The following SGCZ variants were observed in gnomAD, a reference collection of about 807,000 sequenced individuals.
The protein encoded by SGCZ is sarcoglycan zeta, also known as zeta-sarcoglycan.
In SGCZ, 40 loss-of-function variants were observed where a neutral mutation model predicts 41.3. That is an observed-to-expected ratio of 0.97 (90% CI 0.75 to 1.26). SGCZ has a LOEUF of 1.26. Ranked by LOEUF, SGCZ falls within the 50% of genes most tolerant of loss-of-function variation. The pLI, the probability that SGCZ is intolerant of heterozygous loss-of-function variation, is 0.00. For synonymous variants in SGCZ, 206 were observed against 137.5 expected (o/e 1.50, Z -3.49); for missense variants, 552 against 369.8 (o/e 1.49, Z -4.04).
intron 3 of SGCZ, among the ~76,000 whole-genome samples, chr8:14,280,204 G>C (rs1430761366): frequency 1.3e-5 from 2 of 151,858 alleles, no homozygotes; most frequent in Admixed American, 6.6e-5. Context: ...TAATAGGATT[G>C]TTCTATTTTG....
At chr8:14,286,020 A>G (rs1800611979) in intron 3 of SGCZ, among the ~76,000 whole-genome samples, 1 of 152,098 alleles carries the variant, frequency 6.6e-6, no homozygotes, top group African/African-American at 2.4e-5. Flanking sequence ...ATTATTACTA[A>G]TAGGAACTAT....
In SGCZ at chr8:14,769,142, G is replaced by C. The variant is rs565452083; in HGVS notation, c.40-214216C>G. On this transcript the variant is annotated intron_variant, in intron 1 of 7. Transcript: ENST00000382080. Reference sequence around the variant, plus strand: ...AATTCCTAATAAGGAATGAAGCATAGCAGAAAAACCTTTAGGGAGCGAGGG... The same window carrying C: ...AATTCCTAATAAGGAATGAAGCATACCAGAAAAACCTTTAGGGAGCGAGGG... Among the ~76,000 whole-genome samples the C allele has an allele frequency of 1.6e-3, 241 of 152,024 alleles. 2 individuals are homozygous for C. Among genetic ancestry groups the C allele is most frequent in the Non-Finnish European group, 3.0e-3 (201 of 67,976 alleles).
chr8:14,423,175 G>A (rs1044129174), intron 2 of SGCZ, among the ~76,000 whole-genome samples: 9 of 151,858 alleles, frequency 5.9e-5, no homozygotes, highest in African/African-American at 2.2e-4. Flanking sequence ...GGTGGGCGGA[G>A]GGGGGAGGGA....
chr8:14,336,260 TC>T (rs1802502057), intron 2 of SGCZ, among the ~76,000 whole-genome samples: 2 of 152,210 alleles, frequency 1.3e-5, no homozygotes, highest in Admixed American at 1.3e-4. Flanking sequence ...TCTTATTTTT[TC>T]TTGGCTACAT....
At chr8:15,036,341 A>C (rs1803874071) in intron 1 of SGCZ, among the ~76,000 whole-genome samples, 1 of 152,088 alleles carries the variant, frequency 6.6e-6, no homozygotes, top group African/African-American at 2.4e-5. Flanking sequence ...AATCAGTAAT[A>C]AAATGTCTCT....
chr8:14,232,651 T>A (rs1806613627), intron 4 of SGCZ, among the ~76,000 whole-genome samples: 1 of 151,980 alleles, frequency 6.6e-6, no homozygotes, highest in Admixed American at 6.6e-5. Flanking sequence ...GTGCACAATG[T>A]GCAGGTTAGT....
intron 1 of SGCZ, among the ~76,000 whole-genome samples, chr8:14,954,717 CTGTT>C (rs1243172774): frequency 2.0e-5 from 3 of 152,078 alleles, no homozygotes; most frequent in African/African-American, 4.8e-5. Flanking sequence ...AAACCTCAGA[CTGTT>C]TGGATTCTTA....
intron 1 of SGCZ, among the ~76,000 whole-genome samples, chr8:14,943,452 C>T (rs886112891): frequency 2.0e-5 from 3 of 152,130 alleles, no homozygotes; most frequent in Non-Finnish European, 4.4e-5. Flanking sequence ...TATACTGATG[C>T]CTGTGAGGCT....
At chr8:14,300,493 C>T (rs1488166278) in intron 3 of SGCZ, among the ~76,000 whole-genome samples, 1 of 151,946 alleles carries the variant, frequency 6.6e-6, no homozygotes, top group Non-Finnish European at 1.5e-5. Flanking sequence ...ACTCTATGAC[C>T]TTGGCCACAT....
intron 4 of SGCZ, among the ~76,000 whole-genome samples, chr8:14,235,120 G>C (rs1284408544): frequency 6.6e-6 from 1 of 152,144 alleles, no homozygotes; most frequent in Admixed American, 6.6e-5. Flanking sequence ...CCCCATTTTA[G>C]AGATGAGAAA....
intron 5 of SGCZ, among the ~76,000 whole-genome samples, chr8:14,113,570 A>G (rs1802437580): frequency 1.3e-5 from 2 of 151,920 alleles, no homozygotes; most frequent in Admixed American, 1.3e-4. Context: ...TTCTAGTTTG[A>G]TTAATGGTAA....
intron 1 of SGCZ, among the ~76,000 whole-genome samples, chr8:14,936,516 T>C (rs1262290738): frequency 6.6e-6 from 1 of 151,920 alleles, no homozygotes; most frequent in Non-Finnish European, 1.5e-5. Context: ...CAAATCATAT[T>C]AACAGTGTCA....
intron 2 of SGCZ, among the ~76,000 whole-genome samples, chr8:14,332,860 G>A (rs1050675727): frequency 1.3e-5 from 2 of 150,026 alleles, no homozygotes; most frequent in African/African-American, 2.4e-5. Flanking sequence ...TATATATAAT[G>A]TTCTCCTATA....
intron 3 of SGCZ, among the ~76,000 whole-genome samples, chr8:14,244,458 T>C (rs1265137831): frequency 6.6e-6 from 1 of 152,172 alleles, no homozygotes; most frequent in Non-Finnish European, 1.5e-5. Context: ...TTCTTTGAAA[T>C]AAAAAGTACC....
chr8:14,218,059 C>T (rs1352270961), intron 4 of SGCZ, among the ~76,000 whole-genome samples: 2 of 152,020 alleles, frequency 1.3e-5, no homozygotes, highest in African/African-American at 4.8e-5. Context: ...TTCCCCCAAG[C>T]CTAGGAACAA....
At chr8:14,839,672 A>C (rs10104703) in intron 1 of SGCZ, among the ~76,000 whole-genome samples, 94,727 of 151,946 alleles carry the variant, frequency 0.62, 31,170 homozygotes, top group African/African-American at 0.83. Context: ...CTTTTTAAGG[A>C]CTTTTTTGTT....
At chr8:14,617,745 G>A (rs952388442) in intron 1 of SGCZ, among the ~76,000 whole-genome samples, 1 of 152,046 alleles carries the variant, frequency 6.6e-6, no homozygotes, top group Non-Finnish European at 1.5e-5. Context: ...CAATAGACAT[G>A]GAAATAAAGT....
At chr8:14,101,125 A>G (rs1162041108) in intron 7 of SGCZ, among the ~76,000 whole-genome samples, 3 of 151,132 alleles carry the variant, frequency 2.0e-5, no homozygotes, top group Non-Finnish European at 4.4e-5. Flanking sequence ...TCCAGGTTTG[A>G]AAAAAAAAGA....
chr8:14,649,081 G>T (rs549355012), intron 1 of SGCZ, among the ~76,000 whole-genome samples: 3 of 152,074 alleles, frequency 2.0e-5, no homozygotes, highest in African/African-American at 7.2e-5. Flanking sequence ...AACTGACTGC[G>T]TGTTTTCAAA....
Sources: allele counts gnomAD v4.1 joint callset (sites outside exome capture counted in the v4.1 genomes callset), GRCh38; gene constraint gnomAD v4.1.1; transcripts MANE v1.5; gene names NCBI Gene and HGNC (gene_info 2026-07-23, HGNC 2026-07-21).